Variants in USP15 observed in about 807,000 individuals in gnomAD.
USP15 encodes the protein ubiquitin specific peptidase 15.
A neutral mutation model predicts 127.1 loss-of-function variants in USP15; 18 were observed. The ratio of observed to expected loss-of-function variants is 0.14; its 90% CI spans 0.10 to 0.21. The LOEUF (loss-of-function observed/expected upper bound fraction) is 0.21, where lower values mean the gene tolerates loss of function less well. Among genes scored for constraint, USP15 ranks in the 10% least tolerant of loss-of-function variants. The pLI is 1.00. For synonymous variants in USP15, 364 were observed against 393.7 expected, an observed-to-expected ratio of 0.92 and a Z score of 0.89; for missense variants, 805 against 1,159.9, an observed-to-expected ratio of 0.69 and a Z score of 4.44.
Position 62,355,421 on chromosome 12 carries a change from C to T in USP15, c.861C>T (p.Gly287=), listed in dbSNP as rs1289414274. 3 of 1,610,398 alleles carry T rather than the reference C, an allele frequency of 1.9e-6. No homozygotes were observed. The highest frequency in any genetic ancestry group is 2.5e-6 in the Non-Finnish European group (3 of 1,177,888). ...CTGGAAGAAACAATGAACAGCCAGGCCTCTGTGGCCTAAGTAACTTGGGAA... is the reference window on the plus strand; with the variant it reads ...CTGGAAGAAACAATGAACAGCCAGGTCTCTGTGGCCTAAGTAACTTGGGAA... ...SEPGRNNEQP[G]LCGLSNLGNT... is the part of the protein sequence containing the mutation. Residue 287 remains glycine (G), a synonymous_variant, in exon 8 of 22, where the codon GGC becomes GGT. Transcript: ENST00000280377.
intron 8 of USP15, among the ~76,000 whole-genome samples, chr12:62,379,184 A>G (rs2066915210): frequency 6.8e-6 from 1 of 147,414 alleles, no homozygotes; most frequent in African/African-American, 2.5e-5. Flanking sequence ...TGATGGATTT[A>G]TAGAAGTTAG....
intron 4 of USP15, among the ~76,000 whole-genome samples, chr12:62,319,464 A>G (rs1012772619): frequency 1.3e-5 from 2 of 152,176 alleles, no homozygotes; most frequent in African/African-American, 2.4e-5. Context: ...CAACTCCTCA[A>G]TAGCTTTCTC....
At position 62,405,030 on chromosome 12, in the gene USP15, T is replaced by C. The variant is rs1288755367; in HGVS notation, c.*655T>C. 2.0e-5 allele frequency: 3 copies of C among 152,116 alleles called. No individual in the cohort carries two copies. The highest frequency in any genetic ancestry group is 4.4e-5 in the Non-Finnish European group (3 of 67,980). 9.4% of individuals were successfully genotyped at this position (152,116 alleles called of 1,614,324 possible). ...ATTTTACTGCCACTGTGGAAACAGG[T>C]TCTAGATTTCATACTCCATCTAAAG... On this transcript the variant is annotated 3_prime_UTR_variant, in exon 22 of 22. Transcript: ENST00000280377.
rs2066093574 is a variant in USP15, at chr12:62,355,481, T to C, written c.915+6T>C. The C allele has an allele frequency of 6.3e-7, 1 of 1,579,506 alleles. No individual in the cohort carries two copies. Among genetic ancestry groups the C allele is most frequent in the Non-Finnish European group, 8.6e-7 (1 of 1,166,662 alleles). ...TCATGAACTCAGCTATTCAGGTAGG[T>C]CTTTGTAAACAAAATGAAACTCATG... On this transcript the variant is annotated splice_donor_region_variant and intron_variant, in intron 8 of 21. Coordinates refer to ENST00000280377, the MANE Select transcript of USP15 (RefSeq NM_001252078.2).
At chr12:62,346,478 A>G (rs1167201314) in intron 6 of USP15, among the ~76,000 whole-genome samples, 2 of 152,192 alleles carry the variant, frequency 1.3e-5, no homozygotes, top group Non-Finnish European at 2.9e-5. Flanking sequence ...GACCTCACCA[A>G]TGGACACCTT....
chr12:62,408,427 A>G lies in USP15; in HGVS notation c.*4052A>G, dbSNP rs1340547690. 3 of 152,140 alleles carry G rather than the reference A, an allele frequency of 2.0e-5. No homozygotes were observed. Among genetic ancestry groups the G allele is most frequent in the Non-Finnish European group, 4.4e-5 (3 of 68,008 alleles). The allele number at this position is 152,140 out of a possible 1,614,324, so 9.4% of individuals were successfully genotyped here. ...GAAATGTGGAAAACTCTTGAATCATAGACTAGGGGAAGGAACCAGAGGTCC... is the reference window on the plus strand; with the variant it reads ...GAAATGTGGAAAACTCTTGAATCATGGACTAGGGGAAGGAACCAGAGGTCC... On this transcript the variant is annotated 3_prime_UTR_variant, in exon 22 of 22. Transcript: ENST00000280377.
chr12:62,375,203 A>G (rs1207356279), intron 8 of USP15, among the ~76,000 whole-genome samples: 1 of 152,136 alleles, frequency 6.6e-6, no homozygotes, highest in Admixed American at 6.5e-5. Context: ...TTTCCTTTGC[A>G]TACCTTTTCC....
intron 7 of USP15, among the ~76,000 whole-genome samples, chr12:62,354,069 T>C (rs570740206): frequency 3.4e-4 from 52 of 151,738 alleles, no homozygotes; most frequent in African/African-American, 1.1e-3. Context: ...TAGGCCAACA[T>C]TGTATGTGTA....
chr12:62,324,165 G>C (rs2065064702), intron 5 of USP15, among the ~76,000 whole-genome samples: 1 of 151,812 alleles, frequency 6.6e-6, no homozygotes, highest in Non-Finnish European at 1.5e-5. Flanking sequence ...TTTATTTGGA[G>C]TTAAAGTTTT....
intron 2 of USP15, 128 bp from the exon 3 acceptor site, chr12:62,302,662 G>T: frequency 1.0e-6 from 1 of 959,306 alleles, no homozygotes; most frequent in East Asian, 2.6e-5. Context: ...CCTGATGTAA[G>T]GGAGCTGAAT....
At chr12:62,302,190 C>T (rs1165528614) in intron 2 of USP15, among the ~76,000 whole-genome samples, 1 of 152,040 alleles carries the variant, frequency 6.6e-6, no homozygotes, top group Admixed American at 6.5e-5. Context: ...TGGTTCCTAG[C>T]CCGTGTGTCT....
At chr12:62,328,395 A>C (rs1326157764) in intron 6 of USP15, 1 of 385,210 alleles carries the variant, frequency 2.6e-6, no homozygotes, top group Non-Finnish European at 5.3e-6. Context: ...TGTTCCAATA[A>C]AGCTTTCTTT....
In USP15 at chr12:62,409,462, C is replaced by T; in HGVS notation, c.*5087C>T. ...AAAATGTGTAAAATAAGACCACACACTTTCAATATGCACAAAATATATTTT... is the reference window on the plus strand; with the variant it reads ...AAAATGTGTAAAATAAGACCACACATTTTCAATATGCACAAAATATATTTT... On this transcript the variant is annotated 3_prime_UTR_variant, in exon 22 of 22. Coordinates refer to ENST00000280377, the MANE Select transcript of USP15 (RefSeq NM_001252078.2). 6.6e-6 allele frequency: 1 copy of T among 152,116 alleles called. No individual in the cohort carries two copies. Among genetic ancestry groups the T allele is most frequent in the East Asian group, 1.9e-4 (1 of 5,206 alleles). 9.4% of individuals were successfully genotyped at this position (152,116 alleles called of 1,614,324 possible).
intron 8 of USP15, among the ~76,000 whole-genome samples, chr12:62,375,151 T>C (rs1429692400): frequency 6.6e-6 from 1 of 152,124 alleles, no homozygotes; most frequent in African/African-American, 2.4e-5. Flanking sequence ...AGGTTGAAGA[T>C]TTAGGGGAAA....
chr12:62,383,290 A>AG (rs1244506480), intron 9 of USP15, among the ~76,000 whole-genome samples: 1 of 151,900 alleles, frequency 6.6e-6, no homozygotes, highest in African/African-American at 2.4e-5. Flanking sequence ...ACAATGTATA[A>AG]CTTTGTTTTG....
intron 8 of USP15, among the ~76,000 whole-genome samples, chr12:62,358,966 C>T (rs1690647000): frequency 6.6e-6 from 1 of 151,894 alleles, no homozygotes; most frequent in African/African-American, 2.4e-5. Flanking sequence ...CTGTGGATAC[C>T]AAGAACAACT....
At position 62,384,199 on chromosome 12, in the gene USP15, C is replaced by T; in HGVS notation, c.1370C>T (p.Thr457Ile). The change falls in exon 11 of 22, where the codon ACA becomes ATA. Residue 457 changes from threonine to isoleucine, a missense_variant. By Grantham distance (89) the Thr-to-Ile change is moderately conservative. Coordinates refer to ENST00000280377, the MANE Select transcript of USP15 (RefSeq NM_001252078.2). The stretch of plus-strand genomic sequence containing the variant: ...CCTGAGTGTGCTAAGATTTCAGTAA[C>T]ATTTGATCCTTTTTGTTACTTGACA... The part of the protein sequence containing the change: ...VCPECAKISV[T>I]FDPFCYLTLP... The T allele has an allele frequency of 6.2e-7, 1 of 1,612,938 alleles. No individual in the cohort carries two copies. The highest frequency in any genetic ancestry group is 8.5e-7 in the Non-Finnish European group (1 of 1,179,276).
rs540851663 is a variant in USP15, at chr12:62,327,683, C to T, written c.683+1750C>T. The stretch of plus-strand genomic sequence containing the variant: ...TAGCACAATATCATTTTTATTTATT[C>T]CAACAACTTTAGTACTTGGCTTTGT... On this transcript the variant is annotated intron_variant, in intron 6 of 21. Transcript: ENST00000280377. 32 of 434,082 alleles carry T rather than the reference C, an allele frequency of 7.4e-5. 1 individual carries two copies. Among genetic ancestry groups the T allele is most frequent in the South Asian group, 1.5e-4 (9 of 59,786 alleles). The allele number at this position is 434,082 out of a possible 1,614,324, so 26.9% of individuals were successfully genotyped here.
At chr12:62,374,696 C>T (rs1275268978) in intron 8 of USP15, among the ~76,000 whole-genome samples, 1 of 151,970 alleles carries the variant, frequency 6.6e-6, no homozygotes, top group Non-Finnish European at 1.5e-5. Context: ...TAGCAAAATA[C>T]AAAATTGAGA....
Sources: allele counts gnomAD v4.1 joint callset (sites outside exome capture counted in the v4.1 genomes callset), GRCh38; gene constraint gnomAD v4.1.1; transcripts MANE v1.5; gene names NCBI Gene and HGNC (gene_info 2026-07-23, HGNC 2026-07-21).